ESYT3: variants seen among roughly 807,000 people sequenced by gnomAD.
The protein encoded by ESYT3 is extended synaptotagmin-3.
A neutral mutation model predicts 111.5 loss-of-function variants in ESYT3; 101 were observed. That is an observed-to-expected ratio of 0.91 (90% CI 0.77 to 1.07). The LOEUF (loss-of-function observed/expected upper bound fraction) is 1.07, where lower values mean the gene tolerates loss of function less well. Among genes scored for constraint, ESYT3 ranks in the 50% least tolerant of loss-of-function variants. The pLI is 0.00. For synonymous variants in ESYT3, 416 were observed against 446.8 expected, an observed-to-expected ratio of 0.93 and a Z score of 0.87; for missense variants, 1,097 against 1,109.4, an observed-to-expected ratio of 0.99 and a Z score of 0.16.
Position 138,476,726 on chromosome 3 carries a change from A to G in ESYT3, c.2625-92A>G, listed in dbSNP as rs1019524467. The stretch of plus-strand genomic sequence containing the variant: ...GAGAGACAGGTTCTGCTGGTCTTAC[A>G]GAGGCCCAGGCAGGCAGGACTAGGC... On this transcript the variant is annotated intron_variant, in intron 22 of 22. Coordinates refer to ENST00000389567, the MANE Select transcript of ESYT3 (RefSeq NM_031913.5). 26 of 1,323,556 alleles carry G rather than the reference A, an allele frequency of 2.0e-5. No homozygotes were observed. In the East Asian group the frequency reaches 6.0e-4, roughly 30 times the overall value. 82.0% of individuals were successfully genotyped at this position (1,323,556 alleles called of 1,614,324 possible). A position where few individuals can be genotyped will look rare whatever the true frequency, so the allele number is the denominator to read the frequency against.
At position 138,457,602 on chromosome 3, in the gene ESYT3, A is replaced by G. The variant is rs749432688; in HGVS notation, c.539A>G (p.Asn180Ser). The change falls in exon 4 of 23, where the codon AAT (asparagine) becomes AGT (serine). Residue 180 changes from asparagine (N) to serine (S), a missense_variant. Transcript: ENST00000389567. ...PRVNGVKAHT[N>S]TCNRRRVTVD... Reference sequence around the variant, plus strand: ...GTCAACGGTGTCAAGGCACACACTAATACGTGCAACCGAAGACGTGTGACT... The same window carrying G: ...GTCAACGGTGTCAAGGCACACACTAGTACGTGCAACCGAAGACGTGTGACT... 3.7e-6 allele frequency: 6 copies of G among 1,614,110 alleles called. No individual in the cohort carries two copies. In the South Asian group the frequency reaches 4.4e-5, roughly 12 times the overall value.
rs1213078610 is a variant in ESYT3 at position 138,474,463 on chromosome 3, A to G, written c.2468+111A>G. 4 of 1,226,602 alleles carry G rather than the reference A, an allele frequency of 3.3e-6. No homozygotes were observed. In the African/African-American group the frequency reaches 4.6e-5, roughly 14 times the overall value. 76.0% of individuals were successfully genotyped at this position (1,226,602 alleles called of 1,614,324 possible). A position where few individuals can be genotyped will look rare whatever the true frequency, so the allele number is the denominator to read the frequency against. On this transcript the variant is annotated intron_variant, in intron 20 of 22. Coordinates refer to ENST00000389567, the MANE Select transcript of ESYT3 (RefSeq NM_031913.5). ...ATGCTGGAAGGGGCTATGGCTGAAC[A>G]AGACAACATAGTCTATGACTTCATG...
intron 1 of ESYT3, among the ~76,000 whole-genome samples, chr3:138,449,803 G>A (rs2031805743): frequency 6.6e-6 from 1 of 152,200 alleles, no homozygotes; most frequent in Admixed American, 6.5e-5. Context: ...TGATCTGTTA[G>A]TTGCCTGCCT....
At chr3:138,474,574 A>G in intron 20 of ESYT3, 1 of 407,194 alleles carries the variant, frequency 2.5e-6, no homozygotes, top group Admixed American at 4.1e-5. Flanking sequence ...TAGAGGCTAA[A>G]GTGTTCCTGA....
rs1417095657 is a variant in ESYT3 at position 138,476,955 on chromosome 3, T to C, written c.*101T>C. 8 of 895,660 alleles carry C rather than the reference T, an allele frequency of 8.9e-6. No individual in the cohort carries two copies. In the East Asian group the frequency reaches 1.7e-4, roughly 19 times the overall value. 55.5% of individuals were successfully genotyped at this position (895,660 alleles called of 1,614,324 possible). The stretch of plus-strand genomic sequence containing the variant: ...CATCCAATATATGTATATTTTGTCA[T>C]TTAAATCAGAACAACCACTTGAAAT... On this transcript the variant is annotated 3_prime_UTR_variant, in exon 23 of 23. Transcript: ENST00000389567.
At chr3:138,474,121 G>A (rs1020477065) in intron 19 of ESYT3, 100 bp from the exon 20 acceptor site, 1 of 1,462,820 alleles carries the variant, frequency 6.8e-7, no homozygotes, top group Non-Finnish European at 9.3e-7. Flanking sequence ...TCAAATGTTT[G>A]AAGTGTTTGA....
intron 12 of ESYT3, 126 bp from the exon 13 acceptor site, chr3:138,468,529 C>T: frequency 1.1e-6 from 1 of 916,050 alleles, no homozygotes; most frequent in Non-Finnish European, 1.8e-6. Flanking sequence ...TGTGAGAGGT[C>T]CTCCGGCAGC....
chr3:138,439,585 G>A (rs939080303), intron 1 of ESYT3, among the ~76,000 whole-genome samples: 1 of 152,192 alleles, frequency 6.6e-6, no homozygotes, highest in Non-Finnish European at 1.5e-5. Context: ...TTTGTGCACA[G>A]ATCAGCCCTT....
intron 14 of ESYT3, 102 bp downstream of exon 14, chr3:138,468,983 C>T: frequency 1.6e-6 from 2 of 1,244,180 alleles, no homozygotes; most frequent in Non-Finnish European, 2.4e-6. Context: ...TCTGTGCACA[C>T]ACAGCCTGGG....
chr3:138,471,782 A>T (rs1184312220), intron 17 of ESYT3, among the ~76,000 whole-genome samples: 1 of 151,984 alleles, frequency 6.6e-6, no homozygotes, highest in Non-Finnish European at 1.5e-5. Context: ...TTTTGTGTAT[A>T]TTTCTTAACT....
chr3:138,436,360 A>G (rs979035832), intron 1 of ESYT3, among the ~76,000 whole-genome samples: 2 of 152,156 alleles, frequency 1.3e-5, no homozygotes, highest in Non-Finnish European at 2.9e-5. Flanking sequence ...CTCTTCTTAG[A>G]AGGACATCAG....
At chr3:138,441,823 G>A (rs947224502) in intron 1 of ESYT3, among the ~76,000 whole-genome samples, 3 of 65,748 alleles carry the variant, frequency 4.6e-5, no homozygotes, top group Non-Finnish European at 9.4e-5. Context: ...AAAAGACAAA[G>A]CACCTTTTTT....
rs201503175 is a variant in ESYT3, at chr3:138,474,353, G to A, written c.2468+1G>A. 1.8e-4 allele frequency: 283 copies of A among 1,587,764 alleles called. No homozygotes were observed. The highest frequency in any genetic ancestry group is 2.3e-4 in the Non-Finnish European group (267 of 1,172,536). On this transcript the variant is annotated splice_donor_variant, in intron 20 of 22. Coordinates refer to ENST00000389567, the MANE Select transcript of ESYT3 (RefSeq NM_031913.5). LOFTEE classifies it high-confidence loss of function. ...CCTTGGAACCCCTGTTTGATGAGACGTAAGTGGGCTGGTGGCCTGCCTAGA... is the reference window on the plus strand; with the variant it reads ...CCTTGGAACCCCTGTTTGATGAGACATAAGTGGGCTGGTGGCCTGCCTAGA...
intron 3 of ESYT3, 93 bp from the exon 4 acceptor site, chr3:138,457,475 C>G: frequency 1.9e-6 from 2 of 1,072,378 alleles, no homozygotes; most frequent in East Asian, 4.7e-5. Flanking sequence ...TGGTCATGCT[C>G]GTTGCTGACA....
At chr3:138,466,073 G>C (rs992112151) in intron 10 of ESYT3, among the ~76,000 whole-genome samples, 6 of 152,340 alleles carry the variant, frequency 3.9e-5, no homozygotes, top group Middle Eastern at 3.4e-3. Flanking sequence ...TGAAAAACAA[G>C]TGGAATCTCT....
At chr3:138,470,169 G>T in intron 16 of ESYT3, 23 bp downstream of exon 16, 1 of 1,607,808 alleles carries the variant, frequency 6.2e-7, no homozygotes, top group South Asian at 1.1e-5. Context: ...AAGGGCTCTT[G>T]AAACAGAGTT....
chr3:138,450,635 C>G (rs1576432554), intron 1 of ESYT3, among the ~76,000 whole-genome samples: 3 of 152,210 alleles, frequency 2.0e-5, no homozygotes. Context: ...GCACTGAACT[C>G]CTCTGACCAA....
intron 1 of ESYT3, among the ~76,000 whole-genome samples, chr3:138,439,689 C>T (rs2030996091): frequency 6.6e-6 from 1 of 152,186 alleles, no homozygotes; most frequent in African/African-American, 2.4e-5. Flanking sequence ...TTTGCCCCTG[C>T]CATGACTGGG....
chr3:138,456,224 T>C (rs1406030632), intron 3 of ESYT3, among the ~76,000 whole-genome samples: 3 of 152,248 alleles, frequency 2.0e-5, no homozygotes, highest in South Asian at 2.1e-4. Context: ...CTGTGACTTA[T>C]TGAGCACGTG....
Sources: allele counts gnomAD v4.1 joint callset (sites outside exome capture counted in the v4.1 genomes callset), GRCh38; gene constraint gnomAD v4.1.1; transcripts MANE v1.5; gene names NCBI Gene and HGNC (gene_info 2026-07-23, HGNC 2026-07-21).